The following BAHCC1 variants were observed in gnomAD, a reference collection of about 807,000 sequenced individuals.
BAHCC1 encodes the protein BAH and coiled-coil domain-containing protein 1.
In BAHCC1, 43 loss-of-function variants were observed where a neutral mutation model predicts 88.2. The observed-to-expected ratio is 0.49, with a 90% CI of 0.38 to 0.63. The LOEUF is 0.63. Ranked by LOEUF, BAHCC1 falls within the 20% of genes least tolerant of loss-of-function variation. The pLI is 0.00. For synonymous variants in BAHCC1, 1,510 were observed against 745.5 expected (o/e 2.03, Z -16.71); for missense variants, 3,023 against 1,654.8 (o/e 1.83, Z -14.34).
intron 2 of BAHCC1, among the ~76,000 whole-genome samples, chr17:81,400,317 T>C (rs2063798606): frequency 6.6e-6 from 1 of 152,114 alleles, no homozygotes; most frequent in Non-Finnish European, 1.5e-5. Flanking sequence ...ACAAAACGGC[T>C]GTTGTGGCGG....
intron 3 of BAHCC1, among the ~76,000 whole-genome samples, chr17:81,428,057 G>T (rs1344958393): frequency 5.9e-5 from 9 of 152,222 alleles, no homozygotes; most frequent in Admixed American, 3.3e-4. Flanking sequence ...AGGCGATAAG[G>T]AGTGGCCTCT....
At chr17:81,405,881 AC>A (rs1248123360) in intron 2 of BAHCC1, among the ~76,000 whole-genome samples, 2 of 151,690 alleles carry the variant, frequency 1.3e-5, no homozygotes, top group Admixed American at 6.6e-5. Flanking sequence ...GTCTCCCCCA[AC>A]CCCCTGAGCT....
rs1555660147 is a variant in BAHCC1 at position 81,463,858 on chromosome 17, T to C, written c.*41T>C. ...TGCCTCCCACGTGCGCCAGGGACCC[T>C]GTGTGCGGAGCCTGGCGTCGGCCAA... On this transcript the variant is annotated 3_prime_UTR_variant, in exon 28 of 28. Coordinates refer to ENST00000675386, the MANE Select transcript of BAHCC1 (RefSeq NM_001377448.1). 1 of 698,924 alleles carries C rather than the reference T, an allele frequency of 1.4e-6. No individual in the cohort carries two copies. Among genetic ancestry groups the C allele is most frequent in the Admixed American group, 2.0e-5 (1 of 50,006 alleles). 43.3% of individuals were successfully genotyped at this position (698,924 alleles called of 1,614,324 possible). A position where few individuals can be genotyped will look rare whatever the true frequency, so the allele number is the denominator to read the frequency against.
chr17:81,404,003 G>A (rs2063849810), intron 2 of BAHCC1, among the ~76,000 whole-genome samples: 1 of 152,236 alleles, frequency 6.6e-6, no homozygotes, highest in South Asian at 2.1e-4. Flanking sequence ...AGTGAGCCAG[G>A]CAGAGAACGG....
intron 2 of BAHCC1, among the ~76,000 whole-genome samples, chr17:81,424,738 G>A (rs558628888): frequency 6.6e-6 from 1 of 151,888 alleles, no homozygotes; most frequent in East Asian, 1.9e-4. Flanking sequence ...TGGTGGTGGT[G>A]ATGGTGATGT....
chr17:81,433,917 G>T (rs546039245), intron 3 of BAHCC1, among the ~76,000 whole-genome samples: 1 of 152,362 alleles, frequency 6.6e-6, no homozygotes, highest in Admixed American at 6.5e-5. Context: ...AGTGACGGGG[G>T]TGTCCCGTGA....
chr17:81,417,617 C>T (rs1177924909), intron 2 of BAHCC1, among the ~76,000 whole-genome samples: 3 of 130,196 alleles, frequency 2.3e-5, no homozygotes, highest in Admixed American at 2.0e-4. Context: ...AGACTTATAT[C>T]CGATTTTCCT....
At chr17:81,448,302 A>AGGAGGCTGGGGCTCCTGCTGCAG (rs1300105964) in intron 11 of BAHCC1, among the ~76,000 whole-genome samples, 4 of 152,134 alleles carry the variant, frequency 2.6e-5, no homozygotes, top group Non-Finnish European at 5.9e-5. Flanking sequence ...GGGAGGGGGC[A>AGGAGGCTGGGGCTCCTGCTGCAG]GGAGGCTGGG....
intron 3 of BAHCC1, among the ~76,000 whole-genome samples, chr17:81,427,555 AGGCCCCCCTGGCCTTTCCGTGGCAG>A (rs2064214959): frequency 6.6e-6 from 1 of 152,252 alleles, no homozygotes; most frequent in South Asian, 2.1e-4. Flanking sequence ...AGACTCCTGG[AGGCCCCCCTGGCCTTTCCGTGGCAG>A]GGCACCCCTG....
chr17:81,426,191 T>TGATAGTGGTG (rs2064195511), intron 2 of BAHCC1, among the ~76,000 whole-genome samples: 1 of 87,076 alleles, frequency 1.1e-5, no homozygotes, highest in Non-Finnish European at 2.4e-5. Flanking sequence ...ATGTGGTTGG[T>TGATAGTGGTG]GGTGATGTGG....
At chr17:81,456,104 A>G in intron 15 of BAHCC1, 193 bp from the exon 16 acceptor site, 2 of 547,674 alleles carry the variant, frequency 3.7e-6, no homozygotes, top group East Asian at 6.5e-5. Flanking sequence ...TGTGTGGGAA[A>G]GGCCGCAGCG....
chr17:81,418,766 C>CGT (rs879959400), intron 2 of BAHCC1, among the ~76,000 whole-genome samples: 28,713 of 138,950 alleles, frequency 0.21, 2,913 homozygotes, highest in African/African-American at 0.24. Context: ...TGTGTGTGTA[C>CGT]GTGTGTGTAC....
intron 11 of BAHCC1, among the ~76,000 whole-genome samples, chr17:81,449,786 A>G (rs897264944): frequency 1.3e-5 from 2 of 149,840 alleles, no homozygotes; most frequent in Non-Finnish European, 3.0e-5. Flanking sequence ...AGAGCTTTGC[A>G]CCCCAGCATC....
Position 81,435,893 on chromosome 17 carries a change from C to G in BAHCC1, c.359-2477C>G, listed in dbSNP as rs1272700580. Among the ~76,000 whole-genome samples the G allele has an allele frequency of 2.6e-5, 4 of 152,188 alleles. No individual in the cohort carries two copies. In the East Asian group the frequency reaches 7.7e-4, roughly 29 times the overall value. ...GCAGCCCTGCCTTCTGGCTTCTGGC[C>G]TCAGAACAGCTGCTCTGATTCATAA... On this transcript the variant is annotated intron_variant, in intron 3 of 27. Coordinates refer to ENST00000675386, the MANE Select transcript of BAHCC1 (RefSeq NM_001377448.1). The surrounding 1 kb of genome is among the most constrained non-coding windows in gnomAD (Gnocchi z 4.4).
At chr17:81,414,163 C>T (rs2063990181) in intron 2 of BAHCC1, among the ~76,000 whole-genome samples, 1 of 152,206 alleles carries the variant, frequency 6.6e-6, no homozygotes, top group African/African-American at 2.4e-5. Context: ...AGCCGTGGCC[C>T]CCTCGATGTC....
chr17:81,416,344 G>A (rs1470666735), intron 2 of BAHCC1, among the ~76,000 whole-genome samples: 2 of 148,864 alleles, frequency 1.3e-5, no homozygotes, highest in African/African-American at 5.0e-5. Flanking sequence ...ATGGGTGTGT[G>A]TGTGTCCATG....
intron 21 of BAHCC1, 26 bp downstream of exon 21, chr17:81,459,194 G>C: frequency 1.3e-6 from 1 of 769,834 alleles, no homozygotes; most frequent in Non-Finnish European, 2.4e-6. Context: ...GGTGGGGCAG[G>C]GCAGGGGCCT....
rs1298291172 is a variant in BAHCC1 at position 81,456,603 on chromosome 17, G to C, written c.4858+18G>C. ...GGAGGCAGGCAAGTTGCTGGCGTGA[G>C]TGGCCACTGCCAGGAGCCCCGGTCA... On this transcript the variant is annotated intron_variant, in intron 16 of 27. Transcript: ENST00000675386. The C allele has an allele frequency of 7.3e-6, 5 of 689,592 alleles. No individual in the cohort carries two copies. The highest frequency in any genetic ancestry group is 7.2e-5 in the African/African-American group (4 of 55,622). The allele number at this position is 689,592 out of a possible 1,614,324, so 42.7% of individuals were successfully genotyped here.
chr17:81,399,932 G>A lies in BAHCC1; in HGVS notation c.178+15G>A. The stretch of plus-strand genomic sequence containing the variant: ...TTCGCACACAGGTCAGTGCTCGGCC[G>A]GGGCGGGCGCGGGACGGGAGCGTTC... On this transcript the variant is annotated intron_variant, in intron 2 of 27. Transcript: ENST00000675386. This position sits in a 1 kb window ranked among gnomAD's most constrained non-coding sequence, Gnocchi z 4.5. The A allele has an allele frequency of 5.2e-6, 7 of 1,350,222 alleles. No homozygotes were observed. The highest frequency in any genetic ancestry group is 3.9e-5 in the Admixed American group (1 of 25,440). 83.6% of individuals were successfully genotyped at this position (1,350,222 alleles called of 1,614,324 possible). A position where few individuals can be genotyped will look rare whatever the true frequency, so the allele number is the denominator to read the frequency against.
Sources: allele counts gnomAD v4.1 joint callset (sites outside exome capture counted in the v4.1 genomes callset), GRCh38; gene constraint gnomAD v4.1.1; non-coding constraint Gnocchi (gnomAD v3.1); transcripts MANE v1.5; gene names NCBI Gene and HGNC (gene_info 2026-07-23, HGNC 2026-07-21).